The following CHCHD3 variants were observed in gnomAD, a reference collection of about 807,000 sequenced individuals.
The protein encoded by CHCHD3 is MICOS complex subunit MIC19.
In CHCHD3, 20 loss-of-function variants were observed where a neutral mutation model predicts 38.2. The ratio of observed to expected loss-of-function variants is 0.52; its 90% CI spans 0.37 to 0.76. The LOEUF (loss-of-function observed/expected upper bound fraction) is 0.76. Ranked by LOEUF, CHCHD3 falls within the 30% of genes least tolerant of loss-of-function variation. CHCHD3 has a pLI of 0.00. For missense variants in CHCHD3, 245 were observed against 279.2 expected (o/e 0.88, Z 0.87); for synonymous variants, 82 against 100.0 (o/e 0.82, Z 1.07).
chr7:132,874,246 C>T (rs1033799821), intron 5 of CHCHD3, among the ~76,000 whole-genome samples: 2 of 152,178 alleles, frequency 1.3e-5, no homozygotes, highest in African/African-American at 4.8e-5. Context: ...CTCTGAACTC[C>T]AGTTCTAAAC....
chr7:132,915,948 T>TA lies in CHCHD3; in HGVS notation c.370-30204dup, dbSNP rs11455993. The stretch of plus-strand genomic sequence containing the variant: ...GTTTGGTTTTTTTTTAATTTTTTAA[T>TA]AAAAAAATTTTTTTTTTTTTTGGTA... On this transcript the variant is annotated intron_variant, in intron 4 of 7. Transcript: ENST00000262570. Among the ~76,000 whole-genome samples the TA allele has an allele frequency of 6.8e-3, 1,027 of 150,668 alleles. 12 individuals carry two copies. The highest frequency in any genetic ancestry group is 0.023 in the African/African-American group (923 of 40,828).
intron 4 of CHCHD3, among the ~76,000 whole-genome samples, chr7:132,944,550 T>C (rs1810850218): frequency 6.6e-6 from 1 of 151,950 alleles, no homozygotes; most frequent in African/African-American, 2.4e-5. Context: ...TACATTGCTA[T>C]AATAGAAATA....
intron 4 of CHCHD3, among the ~76,000 whole-genome samples, chr7:132,971,127 C>T (rs1203835288): frequency 6.6e-6 from 1 of 152,140 alleles, no homozygotes; most frequent in Non-Finnish European, 1.5e-5. Context: ...TATTAGATCA[C>T]GTATATAAGA....
chr7:132,888,307 G>A (rs1323844280), intron 4 of CHCHD3, among the ~76,000 whole-genome samples: 1 of 151,776 alleles, frequency 6.6e-6, no homozygotes, highest in East Asian at 1.9e-4. Flanking sequence ...ATACTTTATA[G>A]TCAAGGGGCA....
intron 2 of CHCHD3, among the ~76,000 whole-genome samples, chr7:133,028,086 AC>A (rs1336095630): frequency 2.0e-5 from 3 of 152,202 alleles, no homozygotes; most frequent in African/African-American, 4.8e-5. Context: ...GTTGCATACA[AC>A]CAGTAGCTCC....
At chr7:132,947,022 A>C (rs966374008) in intron 4 of CHCHD3, among the ~76,000 whole-genome samples, 4 of 151,932 alleles carry the variant, frequency 2.6e-5, no homozygotes, top group African/African-American at 7.2e-5. Flanking sequence ...CCTCTTTCTC[A>C]AAAAGTGGAC....
At chr7:132,950,622 G>C (rs558273243) in intron 4 of CHCHD3, among the ~76,000 whole-genome samples, 1 of 152,134 alleles carries the variant, frequency 6.6e-6, no homozygotes, top group African/African-American at 2.4e-5. Flanking sequence ...CTGGCAAACA[G>C]CAACTTTAAA....
At chr7:133,018,344 C>T (rs2117428036) in intron 3 of CHCHD3, among the ~76,000 whole-genome samples, 2 of 152,312 alleles carry the variant, frequency 1.3e-5, no homozygotes, top group South Asian at 4.1e-4. Flanking sequence ...CAAATTTCTG[C>T]AATAACCTTC....
intron 3 of CHCHD3, among the ~76,000 whole-genome samples, chr7:132,984,188 G>A (rs535138715): frequency 5.9e-5 from 9 of 151,708 alleles, no homozygotes; most frequent in East Asian, 2.0e-4. Flanking sequence ...TCAGCCTGCC[G>A]AGTGCCTGCG....
At position 132,884,922 on chromosome 7, in the gene CHCHD3, T is replaced by C. The variant is rs1385664447; in HGVS notation, c.453+740A>G. Among the ~76,000 whole-genome samples the C allele has an allele frequency of 2.0e-5, 3 of 152,324 alleles. No individual in the cohort carries two copies. In the East Asian group the frequency reaches 5.8e-4, roughly 29 times the overall value. The stretch of plus-strand genomic sequence containing the variant: ...CTCTCCTGAAGGAGACATTCATTTC[T>C]AAACTACAAATGCAGTGAAACTGAG... On this transcript the variant is annotated intron_variant, in intron 5 of 7. Transcript: ENST00000262570.
At chr7:132,938,775 G>T (rs1298517579) in intron 4 of CHCHD3, among the ~76,000 whole-genome samples, 1 of 152,126 alleles carries the variant, frequency 6.6e-6, no homozygotes, top group African/African-American at 2.4e-5. Flanking sequence ...AGGTTCCCAG[G>T]ACGTTTAGAT....
At chr7:132,987,378 G>A (rs1812148671) in intron 3 of CHCHD3, among the ~76,000 whole-genome samples, 1 of 152,168 alleles carries the variant, frequency 6.6e-6, no homozygotes, top group African/African-American at 2.4e-5. Flanking sequence ...TCCAGATATT[G>A]CACATGATTT....
At chr7:132,998,997 T>C (rs1227074866) in intron 3 of CHCHD3, among the ~76,000 whole-genome samples, 2 of 152,134 alleles carry the variant, frequency 1.3e-5, no homozygotes, top group African/African-American at 4.8e-5. Context: ...AACTGGAATG[T>C]TAGGAATGTT....
rs762461604 is a variant in CHCHD3 at position 132,840,569 on chromosome 7, G to A, written c.454-2100C>T. Among the ~76,000 whole-genome samples the A allele has an allele frequency of 3.9e-5, 6 of 152,278 alleles. No individual in the cohort carries two copies. The East Asian group carries it at 5.8e-4, about 15-fold the overall frequency. On this transcript the variant is annotated intron_variant, in intron 5 of 7. Coordinates refer to ENST00000262570, the MANE Select transcript of CHCHD3 (RefSeq NM_017812.4). ...CCTTCCAGTGTTCCTAACCCATCGA[G>A]TATGGATGATAATATTAGCCCTGCT...
intron 5 of CHCHD3, among the ~76,000 whole-genome samples, chr7:132,867,372 A>G (rs1321383550): frequency 6.6e-6 from 1 of 152,222 alleles, no homozygotes; most frequent in Non-Finnish European, 1.5e-5. Context: ...AAAGCCTTAA[A>G]AGGTATTACT....
At chr7:132,842,248 G>A (rs1028228677) in intron 5 of CHCHD3, among the ~76,000 whole-genome samples, 1 of 152,090 alleles carries the variant, frequency 6.6e-6, no homozygotes. Flanking sequence ...GAAAAGGTTG[G>A]CTAAGTGGGG....
rs553477597 is a variant in CHCHD3 at position 132,911,941 on chromosome 7, C to T, written c.370-26196G>A. On this transcript the variant is annotated intron_variant, in intron 4 of 7. Transcript: ENST00000262570. ...TGTCTACCCATGTCCTTTCTATGCC[C>T]TCTTATCCCCTCAATTGCTACTAAG... is the stretch of plus-strand genomic sequence containing the variant. Among the ~76,000 whole-genome samples, 27 of 152,298 alleles carry T rather than the reference C, an allele frequency of 1.8e-4. 1 individual carries two copies. Among genetic ancestry groups the T allele is most frequent in the Admixed American group, 1.7e-3 (26 of 15,296 alleles).
chr7:133,041,498 T>C lies in CHCHD3; in HGVS notation c.170-16871A>G, dbSNP rs140428987. On this transcript the variant is annotated intron_variant, in intron 2 of 7. Transcript: ENST00000262570. ...AACCACCTTTCTGGCAAGCTAACCT[T>C]TAATGAAAAAATGTCTCAGCTATCC... Among the ~76,000 whole-genome samples the C allele has an allele frequency of 1.1e-3, 166 of 152,264 alleles. 1 individual carries two copies. Among genetic ancestry groups the C allele is most frequent in the African/African-American group, 3.9e-3 (161 of 41,558 alleles).
At chr7:133,062,349 CA>C in intron 2 of CHCHD3, among the ~76,000 whole-genome samples, 1 of 152,232 alleles carries the variant, frequency 6.6e-6, no homozygotes, top group Middle Eastern at 3.4e-3. Context: ...AAATTTAAAT[CA>C]AAAATAGTAT....
Sources: allele counts gnomAD v4.1 joint callset (sites outside exome capture counted in the v4.1 genomes callset), GRCh38; gene constraint gnomAD v4.1.1; transcripts MANE v1.5; gene names NCBI Gene and HGNC (gene_info 2026-07-23, HGNC 2026-07-21).